DDI2: variants seen among roughly 807,000 people sequenced by gnomAD.
DDI2 encodes the protein protein DDI1 homolog 2.
In DDI2, 5 loss-of-function variants were observed where a neutral mutation model predicts 48.1. The observed-to-expected ratio is 0.10, with a 90% CI of 0.05 to 0.22. DDI2 has a LOEUF of 0.22. DDI2 is among the 10% of genes least tolerant of loss of function. DDI2 has a pLI of 1.00. For synonymous variants in DDI2, 205 were observed against 183.6 expected (o/e 1.12, Z -0.94); for missense variants, 285 against 506.2 (o/e 0.56, Z 4.19).
chr1:15,639,007 A>T (rs575065104), intron 5 of DDI2, among the ~76,000 whole-genome samples: 1 of 152,180 alleles, frequency 6.6e-6, no homozygotes, highest in Non-Finnish European at 1.5e-5. Flanking sequence ...GGTTTAGAAG[A>T]AGGAGCTATA....
In DDI2 at chr1:15,664,344, T is replaced by C. The variant is rs903733913; in HGVS notation, c.*4554T>C. 6.6e-6 allele frequency: 1 copy of C among 151,676 alleles called. No homozygotes were observed. The highest frequency in any genetic ancestry group is 2.4e-5 in the African/African-American group (1 of 41,208). The allele number at this position is 151,676 out of a possible 1,614,324, so 9.4% of individuals were successfully genotyped here. On this transcript the variant is annotated 3_prime_UTR_variant, in exon 10 of 10. Transcript: ENST00000480945. ...TACTTGGGAGACTGAGGCAGGAGAA[T>C]TGCTTGAACCTGGGAGATGGGGGTT... is the stretch of plus-strand genomic sequence containing the variant.
rs1398311970 is a variant in DDI2, at chr1:15,656,761, T to A, written c.*46+82T>A. ...TCTGTATCCGCAGCAGTTTGGGAAG[T>A]TAGCATTTGTCATTCACCATTTCAC... On this transcript the variant is annotated intron_variant, in intron 9 of 9. Transcript: ENST00000480945. 3 of 1,586,602 alleles carry A rather than the reference T, an allele frequency of 1.9e-6. No individual in the cohort carries two copies. The East Asian group carries it at 6.8e-5, about 36-fold the overall frequency.
rs763276987 is a variant in DDI2 at position 15,660,253 on chromosome 1, C to T, written c.*463C>T. 6.2e-7 allele frequency: 1 copy of T among 1,614,162 alleles called. No homozygotes were observed. The highest frequency in any genetic ancestry group is 1.7e-5 in the Admixed American group (1 of 60,010). ...CCTCAAATTTCATCTCCATACAAGA[C>T]AGGAAGCTAGTTTATCTGTCACATC... is the stretch of plus-strand genomic sequence containing the variant. On this transcript the variant is annotated 3_prime_UTR_variant, in exon 10 of 10. Coordinates refer to ENST00000480945, the MANE Select transcript of DDI2 (RefSeq NM_032341.5).
rs1324563089 is a variant in DDI2, at chr1:15,660,965, G to A, written c.*1175G>A. The A allele has an allele frequency of 1.2e-6, 2 of 1,613,654 alleles. No homozygotes were observed. The highest frequency in any genetic ancestry group is 1.7e-5 in the Admixed American group (1 of 59,896). ...GAACTTCATGAACTTTTGGTTGTTA[G>A]CAGTAAACCAGCTTCAGAAAATACA... On this transcript the variant is annotated 3_prime_UTR_variant, in exon 10 of 10. Transcript: ENST00000480945.
chr1:15,635,135 A>C (rs754721924), intron 4 of DDI2, among the ~76,000 whole-genome samples: 29 of 152,150 alleles, frequency 1.9e-4, no homozygotes, highest in Non-Finnish European at 2.8e-4. Flanking sequence ...AGGCTGAGGC[A>C]GGAAGATCAC....
At chr1:15,630,882 C>T (rs1039276898) in intron 3 of DDI2, among the ~76,000 whole-genome samples, 21 of 152,150 alleles carry the variant, frequency 1.4e-4, no homozygotes, top group Admixed American at 3.9e-4. Flanking sequence ...CTTGCTCTTT[C>T]GCCCAGGCTG....
intron 5 of DDI2, among the ~76,000 whole-genome samples, chr1:15,638,723 TGGGGTTTCACC>T (rs1277176661): frequency 6.6e-6 from 1 of 151,892 alleles, no homozygotes; most frequent in Non-Finnish European, 1.5e-5. Context: ...TTAGTAGAGA[TGGGGTTTCACC>T]GTGTTGGTCA....
chr1:15,634,489 A>G (rs1356360308), intron 4 of DDI2, among the ~76,000 whole-genome samples: 1 of 149,922 alleles, frequency 6.7e-6, no homozygotes, highest in East Asian at 1.9e-4. Context: ...TACACTATCT[A>G]TCAACTTAGA....
rs1194040225 is a variant in DDI2 at position 15,656,680 on chromosome 1, G to GTA, written c.*46+3_*46+4dup. 1 of 1,613,966 alleles carries GTA rather than the reference G, an allele frequency of 6.2e-7. No individual in the cohort carries two copies. Among genetic ancestry groups the GTA allele is most frequent in the Non-Finnish European group, 8.5e-7 (1 of 1,179,978 alleles). Reference sequence around the variant, plus strand: ...GCAGCTGGAGTGGGCCCCAGACCAGGTATTTATAGACACCATGTTAAGCCT... The same window carrying GTA: ...GCAGCTGGAGTGGGCCCCAGACCAGGTATATTTATAGACACCATGTTAAGCCT... On this transcript the variant is annotated splice_donor_variant, in intron 9 of 9. Coordinates refer to ENST00000480945, the MANE Select transcript of DDI2 (RefSeq NM_032341.5). LOFTEE classifies it low-confidence loss of function (3UTR_SPLICE).
rs1335238653 is a variant in DDI2, at chr1:15,660,684, CAAG to C, written c.*897_*899del. 1 of 1,614,048 alleles carries C rather than the reference CAAG, an allele frequency of 6.2e-7. No homozygotes were observed. The highest frequency in any genetic ancestry group is 8.5e-7 in the Non-Finnish European group (1 of 1,180,042). ...CAACAGGCAGGCAGAATGCCAATGT[CAAG>C]AACATTGGTGCATTGGATCTCACTT... On this transcript the variant is annotated 3_prime_UTR_variant, in exon 10 of 10. Coordinates refer to ENST00000480945, the MANE Select transcript of DDI2 (RefSeq NM_032341.5).
At chr1:15,632,490 G>A (rs899333994) in intron 3 of DDI2, among the ~76,000 whole-genome samples, 6 of 151,888 alleles carry the variant, frequency 4.0e-5, no homozygotes, top group Non-Finnish European at 5.9e-5. Flanking sequence ...CCAAGATTGC[G>A]CCATTGCTCC....
chr1:15,650,422 A>G (rs1640159125), intron 7 of DDI2, among the ~76,000 whole-genome samples: 1 of 152,156 alleles, frequency 6.6e-6, no homozygotes, highest in South Asian at 2.1e-4. Flanking sequence ...CTCACTGGGT[A>G]CTTCACATTT....
chr1:15,626,938 C>G, intron 2 of DDI2, 140 bp downstream of exon 2: 1 of 1,074,072 alleles, frequency 9.3e-7, no homozygotes, highest in East Asian at 2.6e-5. Flanking sequence ...GCCGTGTAAC[C>G]TTGAACAAGT....
At chr1:15,642,275 C>T (rs6696286) in intron 5 of DDI2, among the ~76,000 whole-genome samples, 47,507 of 151,956 alleles carry the variant, frequency 0.31, 8,148 homozygotes, top group African/African-American at 0.43. Context: ...TAGGCCAACC[C>T]GCCGTGTACA....
rs1408780914 is a variant in DDI2, at chr1:15,660,687, G to A, written c.*897G>A. 2 of 1,614,096 alleles carry A rather than the reference G, an allele frequency of 1.2e-6. No homozygotes were observed. The highest frequency in any genetic ancestry group is 3.3e-5 in the Admixed American group (2 of 60,010). Reference sequence around the variant, plus strand: ...CAGGCAGGCAGAATGCCAATGTCAAGAACATTGGTGCATTGGATCTCACTT... The same window carrying A: ...CAGGCAGGCAGAATGCCAATGTCAAAAACATTGGTGCATTGGATCTCACTT... On this transcript the variant is annotated 3_prime_UTR_variant, in exon 10 of 10. Transcript: ENST00000480945.
intron 1 of DDI2, among the ~76,000 whole-genome samples, chr1:15,619,422 G>A (rs1240567524): frequency 6.6e-6 from 1 of 150,794 alleles, no homozygotes; most frequent in Non-Finnish European, 1.5e-5. Flanking sequence ...CACCGTTCCC[G>A]GACAACTCTT....
intron 8 of DDI2, among the ~76,000 whole-genome samples, chr1:15,654,237 C>T (rs1640235471): frequency 6.6e-6 from 1 of 152,156 alleles, no homozygotes; most frequent in Non-Finnish European, 1.5e-5. Context: ...CACTGTTTTA[C>T]TGGAGAACAT....
Position 15,630,505 on chromosome 1 carries a change from C to T in DDI2, c.449C>T (p.Ser150Phe), listed in dbSNP as rs1375179886. The T allele has an allele frequency of 6.2e-7, 1 of 1,614,160 alleles. No individual in the cohort carries two copies. Among genetic ancestry groups the T allele is most frequent in the East Asian group, 2.2e-5 (1 of 44,882 alleles). Residue 150 changes from serine (S) to phenylalanine (F), a missense_variant, in exon 3 of 10, where the codon TCC (serine) becomes TTC (phenylalanine). Coordinates refer to ENST00000480945, the MANE Select transcript of DDI2 (RefSeq NM_032341.5). ...TTGCTGGCCAACCCGCATGAGCTGT[C>T]CTTGCTGAAGGAACGCAATCCACCC... ...DMLLANPHEL[S>F]LLKERNPPLA... is the part of the protein sequence containing the mutation.
At chr1:15,628,621 T>C (rs1368414743) in intron 2 of DDI2, among the ~76,000 whole-genome samples, 1 of 152,248 alleles carries the variant, frequency 6.6e-6, no homozygotes, top group Non-Finnish European at 1.5e-5. Flanking sequence ...ACTATATTTT[T>C]TGGAGTTGAA....
Sources: gnomAD v4.1 joint callset for allele counts (sites outside exome capture counted in the v4.1 genomes callset) on GRCh38, gnomAD v4.1.1 for gene constraint, MANE v1.5 for transcripts, NCBI Gene and HGNC (gene_info 2026-07-23, HGNC 2026-07-21) for gene names.